PIP5K1A: variants seen among roughly 807,000 people sequenced by gnomAD.
PIP5K1A encodes phosphatidylinositol-4-phosphate 5-kinase type 1 alpha, also known as phosphatidylinositol 4-phosphate 5-kinase type-1 alpha.
Under a neutral mutation model 72.9 loss-of-function variants are expected in PIP5K1A, and 46 were observed. The observed-to-expected ratio is 0.63, with a 90% confidence interval of 0.50 to 0.81. PIP5K1A has a LOEUF of 0.81. Among genes scored for constraint, PIP5K1A ranks in the 30% least tolerant of loss-of-function variants. The probability of loss-of-function intolerance (pLI) is 0.00; values close to 1 mark genes in which losing one functional copy is unlikely to be tolerated. For synonymous variants in PIP5K1A, 228 were observed against 255.1 expected, an observed-to-expected ratio of 0.89 and a Z score of 1.01; for missense variants, 458 against 706.1, an observed-to-expected ratio of 0.65 and a Z score of 3.98.
chr1:151,198,899 C>T lies in PIP5K1A; in HGVS notation c.-98C>T. 3 of 1,216,384 alleles carry T rather than the reference C, an allele frequency of 2.5e-6. No individual in the cohort carries two copies. The highest frequency in any genetic ancestry group is 3.6e-6 in the Non-Finnish European group (3 of 837,648). 75.3% of individuals were successfully genotyped at this position (1,216,384 alleles called of 1,614,324 possible). ...GGGCGGGGAGGTGGCCCACAGAACG[C>T]GGGTTCTGTAAAGAGACGTTGGGAA... On this transcript the variant is annotated 5_prime_UTR_variant, in exon 1 of 16. Transcript: ENST00000368888.
chr1:151,216,933 G>GATA (rs1209773517), intron 1 of PIP5K1A, among the ~76,000 whole-genome samples: 2 of 12,714 alleles, frequency 1.6e-4, no homozygotes, highest in Admixed American at 1.9e-3. Context: ...TTTTTTTTGA[G>GATA]ACGGAGTCTC....
chr1:151,237,852 A>G (rs1691113529), intron 9 of PIP5K1A, among the ~76,000 whole-genome samples: 2 of 146,308 alleles, frequency 1.4e-5, no homozygotes. Flanking sequence ...GAAGAAGTTG[A>G]GTTAATTAGG....
At chr1:151,246,071 A>G (rs1040168752) in intron 14 of PIP5K1A, among the ~76,000 whole-genome samples, 1 of 151,646 alleles carries the variant, frequency 6.6e-6, no homozygotes, top group African/African-American at 2.4e-5. Context: ...ACATGATGAA[A>G]CCCCATCTGT....
At chr1:151,202,650 G>T (rs1232946616) in intron 1 of PIP5K1A, among the ~76,000 whole-genome samples, 1 of 151,976 alleles carries the variant, frequency 6.6e-6, no homozygotes, top group Non-Finnish European at 1.5e-5. Flanking sequence ...TTGTATTTTA[G>T]TAGAGACAGG....
At chr1:151,196,521 GAGT>G (rs1392003114), upstream of PIP5K1A, among the ~76,000 whole-genome samples, 3 of 150,992 alleles carry the variant, frequency 2.0e-5, no homozygotes, top group Admixed American at 2.0e-4. Context: ...CATAAGGGAG[GAGT>G]AGAAGGCTGC....
intron 1 of PIP5K1A, among the ~76,000 whole-genome samples, chr1:151,221,040 GTTTC>G (rs1236593992): frequency 6.6e-6 from 1 of 151,926 alleles, no homozygotes; most frequent in East Asian, 1.9e-4. Context: ...TCTTTTTATG[GTTTC>G]TTTTTTTCTA....
chr1:151,239,074 A>G, intron 10 of PIP5K1A, 56 bp from the exon 11 acceptor site: 1 of 1,281,978 alleles, frequency 7.8e-7, no homozygotes, highest in Admixed American at 1.8e-5. Flanking sequence ...ATATAAAGTT[A>G]TTAAGGTCAT....
chr1:151,223,248 G>T (rs1688642632), intron 1 of PIP5K1A, among the ~76,000 whole-genome samples: 2 of 151,970 alleles, frequency 1.3e-5, no homozygotes. Flanking sequence ...CTACTCGGGA[G>T]GTTGAGGCAG....
chr1:151,221,559 G>A (rs587630321), intron 1 of PIP5K1A, among the ~76,000 whole-genome samples: 3 of 152,260 alleles, frequency 2.0e-5, no homozygotes, highest in Non-Finnish European at 4.4e-5. Flanking sequence ...GGAAATGCAG[G>A]TCTCAAGATT....
At chr1:151,199,204 T>A in intron 1 of PIP5K1A, 123 bp downstream of exon 1, 1 of 1,551,544 alleles carries the variant, frequency 6.4e-7, no homozygotes, top group South Asian at 1.1e-5. Context: ...GGGCGCGAGC[T>A]GGGCTTTCAA....
At position 151,204,620 on chromosome 1, in the gene PIP5K1A, A is replaced by G. The variant is rs115910761; in HGVS notation, c.85+5539A>G. On this transcript the variant is annotated intron_variant, in intron 1 of 15. Coordinates refer to ENST00000368888, the MANE Select transcript of PIP5K1A (RefSeq NM_001135638.2). ...TAAACTGAAATTTAGAAATGCAAAC[A>G]TAGAATACAATGTCAGAATATCACC... 4.4e-3 allele frequency among the ~76,000 whole-genome samples: 672 copies of G among 152,378 alleles called. 7 individuals are homozygous for G. The highest frequency in any genetic ancestry group is 0.015 in the African/African-American group (634 of 41,586).
intron 1 of PIP5K1A, among the ~76,000 whole-genome samples, chr1:151,212,341 T>C (rs1191576847): frequency 6.6e-6 from 1 of 152,216 alleles, no homozygotes; most frequent in African/African-American, 2.4e-5. Flanking sequence ...TCACTTCCTT[T>C]ACATTTTCTC....
chr1:151,222,817 A>G (rs1688566658), intron 1 of PIP5K1A, among the ~76,000 whole-genome samples: 2 of 152,122 alleles, frequency 1.3e-5, no homozygotes, highest in African/African-American at 4.8e-5. Flanking sequence ...GGGGCAGCTG[A>G]GGGTTTTGAC....
At chr1:151,242,699 A>G (rs1285799712) in intron 14 of PIP5K1A, 132 bp downstream of exon 14, 1 of 812,832 alleles carries the variant, frequency 1.2e-6, no homozygotes, top group African/African-American at 1.7e-5. Flanking sequence ...CATATATCAT[A>G]CTTTCTGTGG....
At position 151,244,285 on chromosome 1, in the gene PIP5K1A, A is replaced by G. The variant is rs1692179515; in HGVS notation, c.1640+1718A>G. 2.0e-5 allele frequency among the ~76,000 whole-genome samples: 3 copies of G among 152,192 alleles called. No homozygotes were observed. The South Asian group carries it at 6.2e-4, about 31-fold the overall frequency. ...GACTTTTCTTGTCATTATTCCCTGA[A>G]CAATATAGTATAACAACTATTTACA... On this transcript the variant is annotated intron_variant, in intron 14 of 15. Coordinates refer to ENST00000368888, the MANE Select transcript of PIP5K1A (RefSeq NM_001135638.2).
At chr1:151,242,388 A>G (rs1571009405) in intron 13 of PIP5K1A, 50 bp from the exon 14 acceptor site, 2 of 1,609,426 alleles carry the variant, frequency 1.2e-6, no homozygotes, top group African/African-American at 1.3e-5. Flanking sequence ...TAGCTGCTAC[A>G]TATTTTTCCT....
At chr1:151,228,260 T>C (rs946554488) in intron 4 of PIP5K1A, among the ~76,000 whole-genome samples, 14 of 152,110 alleles carry the variant, frequency 9.2e-5, no homozygotes, top group Non-Finnish European at 1.9e-4. Flanking sequence ...CAAGTGATCT[T>C]CCTGCCTCAA....
chr1:151,229,240 GCAGTGGGTGCGTTGATGGCAC>G (rs890966902), intron 4 of PIP5K1A, among the ~76,000 whole-genome samples: 1 of 148,890 alleles, frequency 6.7e-6, no homozygotes, highest in African/African-American at 2.5e-5. Context: ...AGACTGGAAT[GCAGTGGGTGCGTTGATGGCAC>G]ACTGCAGCCT....
At chr1:151,242,346 G>A (rs1413093884) in intron 13 of PIP5K1A, 77 bp downstream of exon 13, 10 of 1,600,710 alleles carry the variant, frequency 6.2e-6, no homozygotes, top group Admixed American at 1.7e-5. Context: ...TGTCTGGCCA[G>A]GACCTCTGCT....
Sources: allele counts gnomAD v4.1 joint callset (sites outside exome capture counted in the v4.1 genomes callset), GRCh38; gene constraint gnomAD v4.1.1; transcripts MANE v1.5; gene names NCBI Gene and HGNC (gene_info 2026-07-23, HGNC 2026-07-21).